The following TSPAN16 variants were observed in gnomAD, a reference collection of about 807,000 sequenced individuals.
TSPAN16 encodes the protein tetraspanin-16.
In TSPAN16, 23 loss-of-function variants were observed where a neutral mutation model predicts 25.2. The ratio of observed to expected loss-of-function variants is 0.91; its 90% CI spans 0.66 to 1.29. TSPAN16 has a LOEUF of 1.29. Ranked by LOEUF, TSPAN16 falls within the 50% of genes most tolerant of loss-of-function variation. TSPAN16 has a pLI of 0.00. For missense variants in TSPAN16, 272 were observed against 299.9 expected (o/e 0.91, Z 0.69); for synonymous variants, 123 against 124.4 (o/e 0.99, Z 0.08).
downstream of TSPAN16, among the ~76,000 whole-genome samples, chr19:11,319,816 G>GTT (rs1020769794): frequency 2.6e-5 from 4 of 151,766 alleles, no homozygotes; most frequent in African/African-American, 9.7e-5. Context: ...ATTTTGTTTT[G>GTT]TTTTGTTTTG....
At chr19:11,326,468 G>A (rs2080813586) in intron 6 of TSPAN16, among the ~76,000 whole-genome samples, 1 of 152,206 alleles carries the variant, frequency 6.6e-6, no homozygotes, top group Non-Finnish European at 1.5e-5. Flanking sequence ...GGCTGCAAGA[G>A]TATAGGTGGG....
chr19:11,311,368 T>A (rs1315033879), intron 5 of TSPAN16, among the ~76,000 whole-genome samples: 1 of 131,044 alleles, frequency 7.6e-6, no homozygotes, highest in Non-Finnish European at 1.6e-5. Flanking sequence ...TCTCCTGACC[T>A]CGTTATCCAC....
At chr19:11,315,999 A>G, downstream of TSPAN16, 1 of 1,207,732 alleles carries the variant, frequency 8.3e-7, no homozygotes, top group Non-Finnish European at 1.0e-6. Context: ...CCTTACTTTC[A>G]TTTTTGGCAA....
chr19:11,319,209 T>C (rs1302849798), downstream of TSPAN16, among the ~76,000 whole-genome samples: 15 of 152,220 alleles, frequency 9.9e-5, no homozygotes, highest in African/African-American at 3.6e-4. Context: ...CAGGGGGGGT[T>C]CTCACAAGCC....
chr19:11,306,727 G>T lies in TSPAN16; in HGVS notation c.574G>T (p.Asp192Tyr). 6.2e-7 allele frequency: 1 copy of T among 1,614,064 alleles called. No individual in the cohort carries two copies. Among genetic ancestry groups the T allele is most frequent in the South Asian group, 1.1e-5 (1 of 91,066 alleles). The change falls in exon 5 of 7, where the codon GAT becomes TAT. Residue 192 changes from aspartate (D) to tyrosine (Y), a missense_variant. Coordinates refer to ENST00000590327, the MANE Select transcript of TSPAN16 (RefSeq NM_001282509.2). ...SIGSVSCDGR[D>Y]VSPNVIHQKG... ...CGGAAGTGTGTCCTGTGACGGACGC[G>T]ATGTGTCTCCAAACGTCATCCACCA...
downstream of TSPAN16, among the ~76,000 whole-genome samples, chr19:11,316,512 A>G (rs1019560369): frequency 4.6e-5 from 7 of 152,160 alleles, no homozygotes; most frequent in African/African-American, 1.7e-4. Flanking sequence ...AGGTTCAACA[A>G]TGCAAAGATT....
At chr19:11,326,785 C>G (rs2147966323) in intron 6 of TSPAN16, 2 of 693,714 alleles carry the variant, frequency 2.9e-6, no homozygotes, top group East Asian at 2.7e-5. Flanking sequence ...TCAATTTTTT[C>G]TTTTGTAGAG....
chr19:11,304,755 AC>A (rs1190393763), intron 4 of TSPAN16, among the ~76,000 whole-genome samples: 2 of 151,792 alleles, frequency 1.3e-5, no homozygotes, highest in African/African-American at 4.8e-5. Context: ...TGATCTCCTG[AC>A]CTCGTGATCT....
chr19:11,320,209 C>T (rs1387555421), downstream of TSPAN16, among the ~76,000 whole-genome samples: 2 of 150,954 alleles, frequency 1.3e-5, no homozygotes, highest in Non-Finnish European at 2.9e-5. Context: ...CCAACTTCTG[C>T]CCCACTTGTT....
intron 3 of TSPAN16, among the ~76,000 whole-genome samples, chr19:11,299,616 C>T (rs545705991): frequency 6.6e-6 from 1 of 152,218 alleles, no homozygotes; most frequent in Non-Finnish European, 1.5e-5. Context: ...AGTCCCATCT[C>T]TGGGAATTAT....
chr19:11,298,749 G>T, intron 2 of TSPAN16, 123 bp from the exon 3 acceptor site: 1 of 878,220 alleles, frequency 1.1e-6, no homozygotes, highest in Non-Finnish European at 1.9e-6. Context: ...TTTTAAACTG[G>T]AGAGGCCAGG....
intron 5 of TSPAN16, among the ~76,000 whole-genome samples, chr19:11,311,203 T>G: frequency 6.6e-6 from 1 of 152,176 alleles, no homozygotes; most frequent in Non-Finnish European, 1.5e-5. Context: ...TGGTACAATC[T>G]CGGCTCACTA....
chr19:11,315,033 C>T (rs1324466046), intron 6 of TSPAN16, among the ~76,000 whole-genome samples: 3 of 148,534 alleles, frequency 2.0e-5, no homozygotes, highest in African/African-American at 7.5e-5. Context: ...GTCAGGAGCT[C>T]GAGACCAGCC....
chr19:11,298,811 G>T lies in TSPAN16; in HGVS notation c.268-61G>T, dbSNP rs2080508969. ...ACAGAGACAACCCCTCACCTGCAGG[G>T]TATAAGGTCGGGAGGAGGCTGAGCA... On this transcript the variant is annotated intron_variant, in intron 2 of 6. Coordinates refer to ENST00000590327, the MANE Select transcript of TSPAN16 (RefSeq NM_001282509.2). The T allele has an allele frequency of 6.0e-6, 9 of 1,507,954 alleles. No homozygotes were observed. In the South Asian group the frequency reaches 9.0e-5, roughly 15 times the overall value. The allele number at this position is 1,507,954 out of a possible 1,614,324, so 93.4% of individuals were successfully genotyped here. A position where few individuals can be genotyped will look rare whatever the true frequency, so the allele number is the denominator to read the frequency against.
At chr19:11,311,254 G>A (rs1305431986) in intron 5 of TSPAN16, among the ~76,000 whole-genome samples, 1 of 152,180 alleles carries the variant, frequency 6.6e-6, no homozygotes, top group East Asian at 1.9e-4. Context: ...TCCTGCCTCA[G>A]CCTCCCGAGT....
intron 4 of TSPAN16, among the ~76,000 whole-genome samples, chr19:11,301,629 G>GGCTCTGTTTAAAAAAAAAAAAAGGA (rs2080550858): frequency 6.7e-6 from 1 of 148,708 alleles, no homozygotes; most frequent in African/African-American, 2.5e-5. Flanking sequence ...GACAGAGGGA[G>GGCTCTGTTTAAAAAAAAAAAAAGGA]GCTCTGTTTA....
At chr19:11,315,557 A>AAAATAAATAAATAAAT (rs201093332) in intron 6 of TSPAN16, among the ~76,000 whole-genome samples, 1 of 147,718 alleles carries the variant, frequency 6.8e-6, no homozygotes, top group African/African-American at 2.5e-5. Context: ...CTTCATCTCA[A>AAAATAAATAAATAAAT]AAATAAATAA....
chr19:11,325,716 T>C, intron 6 of TSPAN16: 1 of 786,898 alleles, frequency 1.3e-6, no homozygotes, highest in Non-Finnish European at 2.0e-6. Flanking sequence ...GTTGTGTGCC[T>C]TTGCCACTCC....
At chr19:11,306,298 A>G (rs1029321181) in intron 4 of TSPAN16, among the ~76,000 whole-genome samples, 3 of 151,856 alleles carry the variant, frequency 2.0e-5, no homozygotes, top group African/African-American at 7.3e-5. Context: ...GGCTCAAGAG[A>G]TCCTCTAGCC....
Sources: allele counts gnomAD v4.1 joint callset (sites outside exome capture counted in the v4.1 genomes callset), GRCh38; gene constraint gnomAD v4.1.1; transcripts MANE v1.5; gene names NCBI Gene and HGNC (gene_info 2026-07-23, HGNC 2026-07-21).